Variants in CNTN4 observed in about 807,000 individuals in gnomAD.
CNTN4 encodes contactin 4, also known as contactin-4.
Under a neutral mutation model 122.5 loss-of-function variants are expected in CNTN4, and 77 were observed. The ratio of observed to expected loss-of-function variants is 0.63; its 90% CI spans 0.52 to 0.76. The LOEUF is 0.76. CNTN4 is among the 30% of genes least tolerant of loss of function. The probability of loss-of-function intolerance (pLI) is 0.00; values close to 1 mark genes in which losing one functional copy is unlikely to be tolerated. For synonymous variants in CNTN4, 512 were observed against 447.0 expected (o/e 1.15, Z -1.83); for missense variants, 1,256 against 1,259.1 (o/e 1.00, Z 0.04).
At chr3:2,759,356 A>G (rs1288140589) in intron 6 of CNTN4, among the ~76,000 whole-genome samples, 1 of 151,994 alleles carries the variant, frequency 6.6e-6, no homozygotes, top group Non-Finnish European at 1.5e-5. Flanking sequence ...GGGTTTCACC[A>G]TGTTGGTCTT....
chr3:3,040,884 A>C (rs1423419393), intron 20 of CNTN4, among the ~76,000 whole-genome samples: 2 of 151,728 alleles, frequency 1.3e-5, no homozygotes, highest in African/African-American at 4.8e-5. Context: ...CCGAGATCGC[A>C]CCACTGCACT....
chr3:2,835,609 C>T (rs1329048258), intron 7 of CNTN4, among the ~76,000 whole-genome samples: 2 of 151,910 alleles, frequency 1.3e-5, no homozygotes, highest in East Asian at 3.9e-4. Context: ...TATACAACAC[C>T]ACAAATTTTT....
At chr3:2,542,178 G>C (rs2078056984) in intron 3 of CNTN4, among the ~76,000 whole-genome samples, 1 of 152,084 alleles carries the variant, frequency 6.6e-6, no homozygotes, top group Admixed American at 6.6e-5. Context: ...AGCTCTTCTT[G>C]ATAAGATCAG....
intron 2 of CNTN4, among the ~76,000 whole-genome samples, chr3:2,292,532 A>G (rs1488773516): frequency 6.6e-6 from 1 of 152,158 alleles, no homozygotes; most frequent in Non-Finnish European, 1.5e-5. Context: ...GATATAGTAT[A>G]TCTTCATAAT....
At chr3:2,894,715 G>T (rs1373106198) in intron 10 of CNTN4, among the ~76,000 whole-genome samples, 1 of 151,062 alleles carries the variant, frequency 6.6e-6, no homozygotes, top group Admixed American at 6.6e-5. Context: ...AAAAATAAAA[G>T]AAAGAAATAT....
chr3:2,726,668 A>C (rs2088248596), intron 4 of CNTN4, among the ~76,000 whole-genome samples: 1 of 152,210 alleles, frequency 6.6e-6, no homozygotes, highest in South Asian at 2.1e-4. Context: ...ACAGTAATGC[A>C]CCTAAATATA....
chr3:2,198,084 G>GT (rs1224252032), intron 2 of CNTN4, among the ~76,000 whole-genome samples: 1 of 151,676 alleles, frequency 6.6e-6, no homozygotes, highest in Non-Finnish European at 1.5e-5. Flanking sequence ...GACGGGAACA[G>GT]TATAGCAGAT....
At chr3:2,416,742 C>T (rs530912694) in intron 3 of CNTN4, among the ~76,000 whole-genome samples, 3 of 152,164 alleles carry the variant, frequency 2.0e-5, no homozygotes, top group East Asian at 3.9e-4. Context: ...CAAGCTCTGC[C>T]TCTCGGGTTC....
At chr3:2,623,869 C>G (rs78900508) in intron 4 of CNTN4, among the ~76,000 whole-genome samples, 1 of 152,114 alleles carries the variant, frequency 6.6e-6, no homozygotes, top group African/African-American at 2.4e-5. Flanking sequence ...GTCAGGGTTT[C>G]TTAACCAGGC....
In CNTN4 at chr3:2,143,143, G is replaced by T. The variant is rs147145587; in HGVS notation, c.-145+42504G>T. Among the ~76,000 whole-genome samples, 450 of 152,248 alleles carry T rather than the reference G, an allele frequency of 3.0e-3. 3 individuals are homozygous for T. The highest frequency in any genetic ancestry group is 9.9e-3 in the African/African-American group (411 of 41,548). On this transcript the variant is annotated intron_variant, in intron 2 of 24. Transcript: ENST00000418658. ...CTTGCTGACCATTTCATGATTTGGG[G>T]TTCATGTTCATTTTATAGACTGGAT...
At chr3:2,888,512 C>T (rs2094002934) in intron 10 of CNTN4, among the ~76,000 whole-genome samples, 1 of 152,116 alleles carries the variant, frequency 6.6e-6, no homozygotes, top group South Asian at 2.1e-4. Context: ...TTTGACATCA[C>T]AGGGCCAAAA....
chr3:2,768,994 C>G (rs1349868504), intron 6 of CNTN4, among the ~76,000 whole-genome samples: 3 of 152,150 alleles, frequency 2.0e-5, no homozygotes, highest in Non-Finnish European at 2.9e-5. Flanking sequence ...TGTACCATAT[C>G]TTCATTTAAA....
chr3:2,417,625 C>T (rs1462524300), intron 3 of CNTN4, among the ~76,000 whole-genome samples: 1 of 152,158 alleles, frequency 6.6e-6, no homozygotes, highest in African/African-American at 2.4e-5. Context: ...CAATCACACT[C>T]CTTGAGATTT....
intron 3 of CNTN4, among the ~76,000 whole-genome samples, chr3:2,559,608 A>G (rs2078862963): frequency 6.6e-6 from 1 of 152,182 alleles, no homozygotes; most frequent in Admixed American, 6.5e-5. Flanking sequence ...TCACTTTATC[A>G]TCTTTCATAC....
intron 6 of CNTN4, 74 bp downstream of exon 6, chr3:2,745,771 C>A: frequency 7.4e-7 from 1 of 1,348,276 alleles, no homozygotes; most frequent in Non-Finnish European, 1.1e-6. Flanking sequence ...GCTTTTATAG[C>A]AGTTTCATTT....
At chr3:2,636,027 A>G (rs1019690693) in intron 4 of CNTN4, among the ~76,000 whole-genome samples, 1 of 151,936 alleles carries the variant, frequency 6.6e-6, no homozygotes. Flanking sequence ...TGCTATATAA[A>G]CCCCTAATTT....
chr3:2,869,667 T>G lies in CNTN4; in HGVS notation c.652+2718T>G, dbSNP rs1268639247. Among the ~76,000 whole-genome samples the G allele has an allele frequency of 2.6e-5, 4 of 152,344 alleles. No individual in the cohort carries two copies. The East Asian group carries it at 7.7e-4, about 29-fold the overall frequency. ...CATTCATCTGGTATATTCATATTTG[T>G]CCGCTTGCCTTCCCCACCTTGCTCA... On this transcript the variant is annotated intron_variant, in intron 8 of 24. Coordinates refer to ENST00000418658, the MANE Select transcript of CNTN4 (RefSeq NM_175607.3).
intron 2 of CNTN4, among the ~76,000 whole-genome samples, chr3:2,229,807 T>C (rs984691505): frequency 6.6e-6 from 1 of 152,186 alleles, no homozygotes; most frequent in Non-Finnish European, 1.5e-5. Context: ...ATTCCAATTT[T>C]ACAGGGTTTA....
chr3:2,736,447 T>C, intron 5 of CNTN4, 106 bp downstream of exon 5: 1 of 542,782 alleles, frequency 1.8e-6, no homozygotes, highest in Non-Finnish European at 2.6e-6. Flanking sequence ...ATTTATTTAT[T>C]TTATTTTATT....
Sources: allele counts gnomAD v4.1 joint callset (sites outside exome capture counted in the v4.1 genomes callset), GRCh38; gene constraint gnomAD v4.1.1; transcripts MANE v1.5; gene names NCBI Gene and HGNC (gene_info 2026-07-23, HGNC 2026-07-21).